ASTN1: variants seen among roughly 807,000 people sequenced by gnomAD.
ASTN1 encodes astrotactin 1.
ASTN1 carries 41 observed loss-of-function variants against 140.7 expected under a neutral mutation model. That is an observed-to-expected ratio of 0.29 (90% confidence interval 0.23 to 0.38). The LOEUF is 0.38. Among genes scored for constraint, ASTN1 ranks in the 10% least tolerant of loss-of-function variants. The probability of loss-of-function intolerance (pLI) is 1.00; values close to 1 mark genes in which losing one functional copy is unlikely to be tolerated. For synonymous variants in ASTN1, 640 were observed against 652.2 expected, an observed-to-expected ratio of 0.98 and a Z score of 0.29; for missense variants, 1,479 against 1,678.8, an observed-to-expected ratio of 0.88 and a Z score of 2.08.
intron 1 of ASTN1, among the ~76,000 whole-genome samples, chr1:177,112,900 C>A (rs1680891121): frequency 6.6e-6 from 1 of 152,202 alleles, no homozygotes; most frequent in Admixed American, 6.5e-5. Flanking sequence ...CTGCAATGAC[C>A]TCTCTCTCCT....
At chr1:176,911,592 C>A (rs72718653) in intron 16 of ASTN1, among the ~76,000 whole-genome samples, 24,860 of 151,922 alleles carry the variant, frequency 0.16, 2,530 homozygotes, top group Middle Eastern at 0.26. Flanking sequence ...GACACAAACA[C>A]ATACATTAGC....
intron 2 of ASTN1, among the ~76,000 whole-genome samples, chr1:177,053,301 T>C (rs1479721203): frequency 1.3e-5 from 2 of 152,212 alleles, no homozygotes; most frequent in African/African-American, 4.8e-5. Flanking sequence ...AGCATCCTTT[T>C]GAAAATTTGG....
Position 177,030,924 on chromosome 1 carries a change from C to T in ASTN1, c.894G>A (p.Met298Ile). ...CTATAATATTATCTTTATACTTGTT[C>T]ATCAGTGACAGCTTGGCATTGTCAC... The part of the protein sequence containing the change: ...PGSDNAKLSL[M>I]NKYKDNIIAT... Residue 298 changes from methionine (M) to isoleucine (I), a missense_variant, in exon 4 of 23, where the codon ATG becomes ATA. Around this residue, in one of 3 missense-constraint regions of ASTN1, gnomAD observed 729 missense variants for 860.4 expected, o/e 0.85. Transcript: ENST00000361833. 2 of 1,613,522 alleles carry T rather than the reference C, an allele frequency of 1.2e-6. No homozygotes were observed. Among genetic ancestry groups the T allele is most frequent in the Non-Finnish European group, 1.7e-6 (2 of 1,179,724 alleles).
At position 177,105,700 on chromosome 1, in the gene ASTN1, A is replaced by T. The variant is rs139967008; in HGVS notation, c.284-44435T>A. On this transcript the variant is annotated intron_variant, in intron 1 of 22. Coordinates refer to ENST00000361833, the MANE Select transcript of ASTN1 (RefSeq NM_004319.3). ...AATAGAACTTGGTTAAATGATAATA[A>T]TTATTGCTGCACTGATTGAGAAATT... Among the ~76,000 whole-genome samples the T allele has an allele frequency of 5.3e-3, 808 of 152,186 alleles. 6 individuals carry two copies. The highest frequency in any genetic ancestry group is 0.019 in the African/African-American group (771 of 41,538).
intron 8 of ASTN1, among the ~76,000 whole-genome samples, chr1:176,965,977 A>G (rs565151871): frequency 6.6e-6 from 1 of 152,308 alleles, no homozygotes; most frequent in African/African-American, 2.4e-5. Flanking sequence ...AGAAAGTAAC[A>G]AGACTATTTC....
At chr1:177,006,221 T>C (rs1674986803) in intron 8 of ASTN1, among the ~76,000 whole-genome samples, 2 of 152,204 alleles carry the variant, frequency 1.3e-5, no homozygotes, top group Non-Finnish European at 2.9e-5. Flanking sequence ...TTTTAATGCT[T>C]CTTTATACGT....
chr1:176,869,468 T>C (rs1452302351), intron 21 of ASTN1, among the ~76,000 whole-genome samples: 3 of 152,180 alleles, frequency 2.0e-5, no homozygotes, highest in Non-Finnish European at 4.4e-5. Context: ...AAAAAGCTCA[T>C]ATATTAACAC....
Position 176,894,621 on chromosome 1 carries a change from G to A in ASTN1, c.2881C>T (p.Leu961=). 1 of 1,614,114 alleles carries A rather than the reference G, an allele frequency of 6.2e-7. No homozygotes were observed. Among genetic ancestry groups the A allele is most frequent in the Non-Finnish European group, 8.5e-7 (1 of 1,180,032 alleles). The part of the protein sequence containing the change: ...SPDTPAEPVL[L]EVTKAAPIYE... ...ATGGGGGCTGCTTTGGTCACCTCCA[G>A]CAGAACCGGCTCAGCAGGGGTGTCA... Residue 961 remains leucine (L), a synonymous_variant, in exon 17 of 23, where the codon CTG becomes TTG. Coordinates refer to ENST00000361833, the MANE Select transcript of ASTN1 (RefSeq NM_004319.3).
In ASTN1 at chr1:176,864,342, C is replaced by T. The variant is rs1209366121; in HGVS notation, c.3827G>A (p.Cys1276Tyr). Residue 1276 changes from cysteine to tyrosine, a missense_variant, in exon 23 of 23, where the codon TGT becomes TAT. Around this residue, in one of 3 missense-constraint regions of ASTN1, gnomAD observed 746 missense variants for 800.9 expected, o/e 0.93. Coordinates refer to ENST00000361833, the MANE Select transcript of ASTN1 (RefSeq NM_004319.3). Reference protein sequence around the residue: ...AELSRDLRKTCEEQTLSIPYN... With the variant: ...AELSRDLRKTYEEQTLSIPYN... Reference sequence around the variant, plus strand: ...GGGGATACTCAGGGTCTGCTCCTCACACGTCTTCCTGAGGTCCCGGCTGAG... The same window carrying T: ...GGGGATACTCAGGGTCTGCTCCTCATACGTCTTCCTGAGGTCCCGGCTGAG... The T allele has an allele frequency of 6.2e-7, 1 of 1,614,132 alleles. No homozygotes were observed. The highest frequency in any genetic ancestry group is 8.5e-7 in the Non-Finnish European group (1 of 1,180,010).
intron 18 of ASTN1, among the ~76,000 whole-genome samples, 187 bp from the exon 19 acceptor site, chr1:176,884,677 T>C (rs1668956334): frequency 6.6e-6 from 1 of 152,248 alleles, no homozygotes. Context: ...ATGTTTTATG[T>C]ATTAAATGCC....
intron 16 of ASTN1, among the ~76,000 whole-genome samples, chr1:176,926,603 G>A (rs1300377122): frequency 1.3e-5 from 2 of 152,172 alleles, no homozygotes; most frequent in Non-Finnish European, 1.5e-5. Context: ...GGCCCTCAGC[G>A]AACATTTGTT....
chr1:177,069,770 G>A (rs1333283596), intron 1 of ASTN1, among the ~76,000 whole-genome samples: 2 of 151,764 alleles, frequency 1.3e-5, no homozygotes, highest in African/African-American at 4.8e-5. Flanking sequence ...TGATTTGCTT[G>A]TTCCTACCAC....
At chr1:177,109,575 T>C (rs1680715151) in intron 1 of ASTN1, among the ~76,000 whole-genome samples, 1 of 152,136 alleles carries the variant, frequency 6.6e-6, no homozygotes, top group Non-Finnish European at 1.5e-5. Context: ...ATCTATAAAA[T>C]TAAGTGTTAA....
At chr1:177,026,916 C>G (rs4650956) in intron 5 of ASTN1, among the ~76,000 whole-genome samples, 52,238 of 152,006 alleles carry the variant, frequency 0.34, 9,781 homozygotes, top group Non-Finnish European at 0.43. Context: ...CTTCATGGAG[C>G]AGAGCAGACC....
At chr1:177,156,131 G>A (rs1683223547) in intron 1 of ASTN1, among the ~76,000 whole-genome samples, 2 of 151,976 alleles carry the variant, frequency 1.3e-5, no homozygotes, top group Non-Finnish European at 2.9e-5. Flanking sequence ...TTAGCTGGGT[G>A]TGGTGGCGGG....
At chr1:177,040,998 G>C (rs1366215144) in intron 2 of ASTN1, among the ~76,000 whole-genome samples, 1 of 152,190 alleles carries the variant, frequency 6.6e-6, no homozygotes, top group African/African-American at 2.4e-5. Context: ...AAGCAAAGGA[G>C]TGCATTTGTC....
Position 176,958,461 on chromosome 1 carries a change from C to T in ASTN1, c.1620G>A (p.Glu540=), listed in dbSNP as rs1274350830. The change falls in exon 10 of 23, where the codon GAG becomes GAA. Residue 540 remains glutamate (E), a synonymous_variant. Transcript: ENST00000361833. ...TCTTGCTGAGGGGCAACCACATGCC[C>T]TCCCCAAGAGTGTAGGTGAATCTGC... The part of the protein sequence containing the change: ...KIFRFTYTLG[E]GMWLPLSKSF... The T allele has an allele frequency of 6.2e-7, 1 of 1,613,106 alleles. No homozygotes were observed. Among genetic ancestry groups the T allele is most frequent in the African/African-American group, 1.3e-5 (1 of 74,916 alleles).
intron 14 of ASTN1, among the ~76,000 whole-genome samples, chr1:176,941,815 T>G (rs924912513): frequency 6.6e-6 from 1 of 152,220 alleles, no homozygotes; most frequent in South Asian, 2.1e-4. Context: ...ACCTACGCTA[T>G]TTGTATGTGC....
chr1:176,933,630 C>T (rs890336198), intron 16 of ASTN1, among the ~76,000 whole-genome samples: 1 of 152,182 alleles, frequency 6.6e-6, no homozygotes, highest in Non-Finnish European at 1.5e-5. Flanking sequence ...GGCTGTTATT[C>T]AGAGCTATAT....
Sources: allele counts gnomAD v4.1 joint callset (sites outside exome capture counted in the v4.1 genomes callset), GRCh38; gene constraint gnomAD v4.1.1; regional missense constraint gnomAD v4.1.1; transcripts MANE v1.5; gene names NCBI Gene and HGNC (gene_info 2026-07-23, HGNC 2026-07-21).